The following GRIA3 variants were observed in gnomAD, a reference collection of about 807,000 sequenced individuals.
GRIA3 encodes the protein glutamate receptor 3.
Under a neutral mutation model 63.0 loss-of-function variants are expected in GRIA3, and 3 were observed. That is an observed-to-expected ratio of 0.05 (90% CI 0.02 to 0.12). The LOEUF (loss-of-function observed/expected upper bound fraction) is 0.12. Ranked by LOEUF, GRIA3 falls within the 10% of genes least tolerant of loss-of-function variation. The pLI is 1.00. For missense variants in GRIA3, 347 were observed against 700.9 expected (o/e 0.50, Z 5.70); for synonymous variants, 274 against 257.9 (o/e 1.06, Z -0.60).
chrX:123,200,608 T>TACACACACACACAC (rs200626306), intron 2 of GRIA3, among the ~76,000 whole-genome samples: 19 of 76,373 alleles, frequency 2.5e-4, no homozygotes, highest in African/African-American at 7.3e-4. Context: ...CACACATACA[T>TACACACACACACAC]ACACACACAC....
At chrX:123,380,145 T>C (rs2045313896) in intron 5 of GRIA3, among the ~76,000 whole-genome samples, 1 of 111,423 alleles carries the variant, frequency 9.0e-6, no homozygotes, top group African/African-American at 3.3e-5. Flanking sequence ...TTATAATCGT[T>C]TGGGTATATA....
chrX:123,366,439 T>G (rs1158557688), intron 5 of GRIA3, among the ~76,000 whole-genome samples: 1 of 111,705 alleles, frequency 9.0e-6, no homozygotes, highest in East Asian at 2.8e-4. Flanking sequence ...TTGGTTCCCT[T>G]GCATTTGGGG....
At chrX:123,322,693 G>A (rs1268552084) in intron 3 of GRIA3, among the ~76,000 whole-genome samples, 3 of 111,268 alleles carry the variant, frequency 2.7e-5, no homozygotes, top group Non-Finnish European at 3.8e-5. Flanking sequence ...TGACAGGTAC[G>A]GAGCTGAGGT....
chrX:123,402,038 G>T (rs1426693903), intron 7 of GRIA3, among the ~76,000 whole-genome samples: 1 of 111,520 alleles, frequency 9.0e-6, no homozygotes, highest in Non-Finnish European at 1.9e-5. Context: ...AGGAAAAATT[G>T]TTCCATACAT....
intron 4 of GRIA3, among the ~76,000 whole-genome samples, chrX:123,342,638 C>T (rs2045016217): frequency 8.9e-6 from 1 of 112,035 alleles, no homozygotes; most frequent in South Asian, 3.7e-4. Flanking sequence ...TGCTTTTGTT[C>T]TGATTATCCA....
At chrX:123,403,177 T>C in intron 8 of GRIA3, 79 bp downstream of exon 8, 1 of 645,839 alleles carries the variant, frequency 1.5e-6, no homozygotes, top group Non-Finnish European at 2.6e-6. Context: ...ATAAGTATTA[T>C]TATTTTACAA....
chrX:123,457,473 G>C (rs5911624), intron 12 of GRIA3, among the ~76,000 whole-genome samples: 39,732 of 110,416 alleles, frequency 0.36, 5,199 homozygotes, highest in East Asian at 0.47. Flanking sequence ...GGACAACATA[G>C]GCATGGTGGC....
At chrX:123,329,446 T>C (rs2044926540) in intron 4 of GRIA3, among the ~76,000 whole-genome samples, 1 of 111,919 alleles carries the variant, frequency 8.9e-6, no homozygotes, top group Non-Finnish European at 1.9e-5. Context: ...ATCAAAATTC[T>C]TTCAATATTT....
intron 5 of GRIA3, among the ~76,000 whole-genome samples, chrX:123,380,725 C>A (rs2045319302): frequency 8.9e-6 from 1 of 111,839 alleles, no homozygotes; most frequent in Non-Finnish European, 1.9e-5. Context: ...TTGCCCATGC[C>A]TATGTCCTGA....
chrX:123,277,439 G>A (rs2044561345), intron 3 of GRIA3, among the ~76,000 whole-genome samples: 1 of 111,337 alleles, frequency 9.0e-6, no homozygotes, highest in African/African-American at 3.3e-5. Flanking sequence ...AGAAAAAGGG[G>A]TAGGAGTCTG....
At chrX:123,355,288 T>C (rs1457508251) in intron 5 of GRIA3, among the ~76,000 whole-genome samples, 2 of 112,405 alleles carry the variant, frequency 1.8e-5, no homozygotes, top group Non-Finnish European at 3.8e-5. Flanking sequence ...CACAGGAAAC[T>C]GACTCTTTCC....
intron 10 of GRIA3, among the ~76,000 whole-genome samples, chrX:123,407,704 G>GT (rs2045483626): frequency 1.8e-5 from 1 of 55,156 alleles, no homozygotes; most frequent in South Asian, 1.7e-3. Flanking sequence ...GGGGGGGGGG[G>GT]ACGTGGGGAC....
chrX:123,404,934 G>C lies in GRIA3; in HGVS notation c.1500+20G>C. 2.8e-6 allele frequency: 3 copies of C among 1,054,498 alleles called. No homozygotes were observed. Among genetic ancestry groups the C allele is most frequent in the Non-Finnish European group, 4.0e-6 (3 of 752,032 alleles). 86.9% of individuals were successfully genotyped at this position (1,054,498 alleles called of 1,213,427 possible). On this transcript the variant is annotated intron_variant, in intron 10 of 15. Coordinates refer to ENST00000620443, the MANE Select transcript of GRIA3 (RefSeq NM_007325.5). ...TATGGGGTGAGTTTTTTCCAATTCT[G>C]TTTTCATTTATTCTGTGCTTTCCAA...
intron 13 of GRIA3, among the ~76,000 whole-genome samples, chrX:123,473,826 T>C (rs1344834369): frequency 8.9e-6 from 1 of 112,089 alleles, no homozygotes; most frequent in African/African-American, 3.2e-5. Context: ...TAATTGACTA[T>C]GCAAATGCAC....
chrX:123,331,615 C>G (rs1290788840), intron 4 of GRIA3, among the ~76,000 whole-genome samples: 3 of 111,682 alleles, frequency 2.7e-5, no homozygotes, highest in Non-Finnish European at 5.7e-5. Context: ...CTTTGTTGGT[C>G]CCTTTTTATT....
At chrX:123,302,887 C>A (rs2044732466) in intron 3 of GRIA3, among the ~76,000 whole-genome samples, 1 of 110,877 alleles carries the variant, frequency 9.0e-6, no homozygotes, top group South Asian at 3.8e-4. Context: ...TATCCTCTGT[C>A]TAAGTCTAAT....
intron 5 of GRIA3, among the ~76,000 whole-genome samples, chrX:123,384,247 G>A (rs1280474095): frequency 2.7e-5 from 3 of 112,142 alleles, no homozygotes; most frequent in Non-Finnish European, 5.6e-5. Context: ...TCTAATGGTA[G>A]TTCTGTTTTT....
chrX:123,412,776 T>C (rs1849125660), intron 10 of GRIA3, among the ~76,000 whole-genome samples: 1 of 111,723 alleles, frequency 9.0e-6, no homozygotes, highest in African/African-American at 3.3e-5. Flanking sequence ...AGGTTCATCA[T>C]GGGGAATTCT....
At chrX:123,186,311 A>C (rs1296302082) in intron 2 of GRIA3, among the ~76,000 whole-genome samples, 2 of 111,220 alleles carry the variant, frequency 1.8e-5, no homozygotes, top group African/African-American at 6.6e-5. Context: ...CTGGGGAAAA[A>C]AAAAGAAAGA....
Sources: allele counts gnomAD v4.1 joint callset (sites outside exome capture counted in the v4.1 genomes callset), GRCh38; gene constraint gnomAD v4.1.1; transcripts MANE v1.5; gene names NCBI Gene and HGNC (gene_info 2026-07-23, HGNC 2026-07-21).